The following HECW2 variants were observed in gnomAD, a reference collection of about 807,000 sequenced individuals.
The protein encoded by HECW2 is HECT, C2 and WW domain containing E3 ubiquitin protein ligase 2, also known as E3 ubiquitin-protein ligase HECW2.
Under a neutral mutation model 175.2 loss-of-function variants are expected in HECW2, and 61 were observed. The ratio of observed to expected loss-of-function variants is 0.35; its 90% CI spans 0.28 to 0.43. HECW2 has a LOEUF of 0.43. Among genes scored for constraint, HECW2 ranks in the 20% least tolerant of loss-of-function variants. The pLI is 1.00. For missense variants in HECW2, 1,524 were observed against 2,000.5 expected (o/e 0.76, Z 4.54); for synonymous variants, 671 against 731.0 (o/e 0.92, Z 1.32).
At chr2:196,581,631 GT>G (rs1317334620) in intron 1 of HECW2, among the ~76,000 whole-genome samples, 3 of 152,122 alleles carry the variant, frequency 2.0e-5, no homozygotes, top group Non-Finnish European at 4.4e-5. Flanking sequence ...CAATAAAGCT[GT>G]TTTTTAAAAT....
At chr2:196,590,481 A>C (rs1234779596) in intron 1 of HECW2, among the ~76,000 whole-genome samples, 1 of 152,164 alleles carries the variant, frequency 6.6e-6, no homozygotes, top group Non-Finnish European at 1.5e-5. Flanking sequence ...TTTCCCAAGA[A>C]AGTAGTCAGC....
chr2:196,202,036 T>G (rs760094071), intron 28 of HECW2, among the ~76,000 whole-genome samples: 1 of 152,226 alleles, frequency 6.6e-6, no homozygotes, highest in Non-Finnish European at 1.5e-5. Context: ...TTAGAAATAC[T>G]TCTTTTGCCA....
chr2:196,497,363 T>C (rs1687430339), intron 1 of HECW2, among the ~76,000 whole-genome samples: 1 of 152,182 alleles, frequency 6.6e-6, no homozygotes, highest in Admixed American at 6.5e-5. Flanking sequence ...TAAATAAATA[T>C]GAGTAAATAT....
rs749498293 is a variant in HECW2, at chr2:196,319,199, C to T, written c.1691G>A (p.Ser564Asn). The change falls in exon 9 of 29, where the codon AGT (serine) becomes AAT (asparagine). Residue 564 changes from serine to asparagine, a missense_variant. Transcript: ENST00000644978. ...PEPQPSADQG[S>N]AELCGSQEVD... ...CTCTTGAGAGCCACACAGTTCAGCA[C>T]TGCCCTGGTCAGCACTGGGTTGAGG... The T allele has an allele frequency of 6.9e-6, 11 of 1,597,048 alleles. No individual in the cohort carries two copies. In the Admixed American group the frequency reaches 1.0e-4, roughly 15 times the overall value.
At chr2:196,497,876 CCACT>C (rs1235886299) in intron 1 of HECW2, among the ~76,000 whole-genome samples, 1 of 152,202 alleles carries the variant, frequency 6.6e-6, no homozygotes, top group African/African-American at 2.4e-5. Flanking sequence ...CTGGGTTTCC[CCACT>C]CAGTCCATTC....
chr2:196,383,073 A>G (rs1694252198), intron 2 of HECW2, among the ~76,000 whole-genome samples: 1 of 152,190 alleles, frequency 6.6e-6, no homozygotes, highest in African/African-American at 2.4e-5. Context: ...AAGATAACAA[A>G]GATAGGAATA....
At chr2:196,326,163 T>C (rs943671301) in intron 5 of HECW2, among the ~76,000 whole-genome samples, 2 of 152,208 alleles carry the variant, frequency 1.3e-5, no homozygotes, top group Non-Finnish European at 2.9e-5. Flanking sequence ...AACCAGATCC[T>C]GGATAGTGAC....
chr2:196,214,685 G>A lies in HECW2; in HGVS notation c.4607+1180C>T, dbSNP rs185418044. The stretch of plus-strand genomic sequence containing the variant: ...GTGATGCGTGTGGGGTGGCCAAGGA[G>A]GCTCAGGCAAACCCTTGAGCAGTCA... On this transcript the variant is annotated intron_variant, in intron 28 of 28. Transcript: ENST00000644978. Among the ~76,000 whole-genome samples the A allele has an allele frequency of 9.8e-5, 15 of 152,310 alleles. No individual in the cohort carries two copies. In the East Asian group the frequency reaches 2.7e-3, roughly 27 times the overall value.
At position 196,353,258 on chromosome 2, in the gene HECW2, C is replaced by T. The variant is rs547921111; in HGVS notation, c.293-9494G>A. Among the ~76,000 whole-genome samples, 70 of 152,250 alleles carry T rather than the reference C, an allele frequency of 4.6e-4. No homozygotes were observed. In the Middle Eastern group the frequency reaches 0.01, roughly 22 times the overall value. On this transcript the variant is annotated intron_variant, in intron 2 of 28. Coordinates refer to ENST00000644978, the MANE Select transcript of HECW2 (RefSeq NM_001348768.2). ...TCAATTCCTCCCTTCAATTTTGTGG[C>T]TTATACATCACCTTTTCAATGAGAC...
At chr2:196,302,163 G>A (rs555343947) in intron 13 of HECW2, among the ~76,000 whole-genome samples, 2 of 152,242 alleles carry the variant, frequency 1.3e-5, no homozygotes, top group South Asian at 2.1e-4. Flanking sequence ...CCCAATGCCT[G>A]TTTTTGTCAG....
chr2:196,294,008 C>T lies in HECW2; in HGVS notation c.2815-1258G>A, dbSNP rs1327818890. On this transcript the variant is annotated intron_variant, in intron 13 of 28. Coordinates refer to ENST00000644978, the MANE Select transcript of HECW2 (RefSeq NM_001348768.2). ...GGAATAGCAGGCTGAGGTGCCTGGGCTGTACATCTCATTCTTTTTTCTTTT... is the reference window on the plus strand; with the variant it reads ...GGAATAGCAGGCTGAGGTGCCTGGGTTGTACATCTCATTCTTTTTTCTTTT... 2.0e-5 allele frequency among the ~76,000 whole-genome samples: 3 copies of T among 152,248 alleles called. No individual in the cohort carries two copies. In the East Asian group the frequency reaches 5.8e-4, roughly 29 times the overall value.
intron 2 of HECW2, among the ~76,000 whole-genome samples, chr2:196,358,585 C>CAAAAAAAAAAAAA (rs144181608): frequency 8.9e-5 from 6 of 67,330 alleles, no homozygotes; most frequent in African/African-American, 3.2e-4. Flanking sequence ...GACTCTGTCT[C>CAAAAAAAAAAAAA]AAAAAAAAAA....
At chr2:196,481,638 C>T (rs115251057) in intron 1 of HECW2, among the ~76,000 whole-genome samples, 345 of 152,302 alleles carry the variant, frequency 2.3e-3, no homozygotes, top group Non-Finnish European at 3.9e-3. Flanking sequence ...TTTCATAAAA[C>T]AAGCTTACAG....
Position 196,515,975 on chromosome 2 carries a change from CA to C in HECW2, c.-36+77532del, listed in dbSNP as rs60165337. Among the ~76,000 whole-genome samples, 1,354 of 135,538 alleles carry C rather than the reference CA, an allele frequency of 1.0e-2. 13 individuals carry two copies. The highest frequency in any genetic ancestry group is 0.023 in the Middle Eastern group (6 of 256). The allele number at this position is 135,538 out of a possible 152,430, so 88.9% of individuals were successfully genotyped here. A position where few individuals can be genotyped will look rare whatever the true frequency, so the allele number is the denominator to read the frequency against. On this transcript the variant is annotated intron_variant, in intron 1 of 28. Coordinates refer to ENST00000644978, the MANE Select transcript of HECW2 (RefSeq NM_001348768.2). ...CACCTCTCTACTAAAAAAAAAAGTA[CA>C]AAAAAAAAAAAATAGTTGGACATGG...
At chr2:196,561,233 C>A (rs537075013) in intron 1 of HECW2, among the ~76,000 whole-genome samples, 22 of 152,232 alleles carry the variant, frequency 1.4e-4, no homozygotes, top group Non-Finnish European at 3.1e-4. Context: ...TATGCAGCTG[C>A]AGATAAGGGA....
rs540445643 is a variant in HECW2, at chr2:196,249,812, C to T, written c.3529+4108G>A. Among the ~76,000 whole-genome samples, 265 of 152,312 alleles carry T rather than the reference C, an allele frequency of 1.7e-3. 1 individual carries two copies. Among genetic ancestry groups the T allele is most frequent in the Middle Eastern group, 3.4e-3 (1 of 294 alleles). On this transcript the variant is annotated intron_variant, in intron 19 of 28. Transcript: ENST00000644978. ...CAAGATCAAACAAAGCCCACTGAAA[C>T]AGAGTAGGCCAGAAATATGGAGATG...
At chr2:196,401,844 A>G (rs975959173) in intron 2 of HECW2, among the ~76,000 whole-genome samples, 8 of 152,192 alleles carry the variant, frequency 5.3e-5, no homozygotes, top group Non-Finnish European at 8.8e-5. Context: ...AAGTTAAGAC[A>G]TGGAATCAAG....
intron 1 of HECW2, among the ~76,000 whole-genome samples, chr2:196,523,687 G>C (rs1177422852): frequency 0.01 from 1,542 of 149,342 alleles, 18 homozygotes; most frequent in African/African-American, 0.037. Flanking sequence ...TAGCATGAAG[G>C]GTTGTTGAAT....
intron 15 of HECW2, among the ~76,000 whole-genome samples, chr2:196,274,630 G>A (rs1689872769): frequency 6.6e-6 from 1 of 152,172 alleles, no homozygotes; most frequent in Non-Finnish European, 1.5e-5. Flanking sequence ...TCGAGTTAGT[G>A]TATTATCTCC....
Sources: allele counts gnomAD v4.1 joint callset (sites outside exome capture counted in the v4.1 genomes callset), GRCh38; gene constraint gnomAD v4.1.1; transcripts MANE v1.5; gene names NCBI Gene and HGNC (gene_info 2026-07-23, HGNC 2026-07-21).